The following NRIP1 variants were observed in gnomAD, a reference collection of about 807,000 sequenced individuals.
NRIP1 encodes nuclear receptor-interacting protein 1.
In NRIP1, 28 loss-of-function variants were observed where a neutral mutation model predicts 75.0. That is an observed-to-expected ratio of 0.37 (90% CI 0.28 to 0.51). The LOEUF is 0.51. Ranked by LOEUF, NRIP1 falls within the 20% of genes least tolerant of loss-of-function variation. NRIP1 has a pLI of 0.92. For synonymous variants in NRIP1, 526 were observed against 487.6 expected (o/e 1.08, Z -1.04); for missense variants, 1,435 against 1,343.7 (o/e 1.07, Z -1.06).
chr21:15,061,472 G>A (rs371804594), intron 1 of NRIP1, among the ~76,000 whole-genome samples: 7 of 152,104 alleles, frequency 4.6e-5, no homozygotes, highest in Admixed American at 1.3e-4. Context: ...TAGAAAAGGG[G>A]AAGAGAGCAA....
At chr21:14,989,321 T>TA (rs1379775230) in intron 3 of NRIP1, among the ~76,000 whole-genome samples, 6 of 152,290 alleles carry the variant, frequency 3.9e-5, no homozygotes, top group East Asian at 1.9e-4. Flanking sequence ...AGGTCATACT[T>TA]ACAGTTTGTA....
At chr21:15,012,165 A>T (rs1189882303) in intron 3 of NRIP1, among the ~76,000 whole-genome samples, 3 of 152,182 alleles carry the variant, frequency 2.0e-5, no homozygotes, top group Non-Finnish European at 4.4e-5. Context: ...GATATACCAG[A>T]TCCTCCTTTT....
chr21:15,056,591 G>A (rs1040606942), intron 1 of NRIP1, among the ~76,000 whole-genome samples: 1 of 151,962 alleles, frequency 6.6e-6, no homozygotes, highest in African/African-American at 2.4e-5. Context: ...CCCCCATATT[G>A]TTCACTTTGA....
chr21:15,022,005 C>A (rs1282642142), intron 2 of NRIP1, among the ~76,000 whole-genome samples: 4 of 152,092 alleles, frequency 2.6e-5, no homozygotes, highest in African/African-American at 9.7e-5. Context: ...GACCTAGAGG[C>A]AGAAATAACA....
At position 14,964,740 on chromosome 21, in the gene NRIP1, T is replaced by TA; in HGVS notation, c.3452dup (p.Thr1152AsnfsTer36). On this transcript the variant is annotated frameshift_variant, in exon 4 of 4. Transcript: ENST00000318948. LOFTEE classifies it high-confidence loss of function. ...TTTATTCTGATTCTTTCTTTATCGT[T>TA]AGCACGCTTCCCAGAAGTCCATAAA... 1 of 1,558,208 alleles carries TA rather than the reference T, an allele frequency of 6.4e-7. No individual in the cohort carries two copies. The highest frequency in any genetic ancestry group is 8.6e-7 in the Non-Finnish European group (1 of 1,159,584).
At chr21:14,997,706 T>C (rs528624746) in intron 3 of NRIP1, among the ~76,000 whole-genome samples, 5 of 148,724 alleles carry the variant, frequency 3.4e-5, no homozygotes, top group Non-Finnish European at 7.4e-5. Flanking sequence ...AAAAAATATA[T>C]TTTTATATTT....
chr21:15,009,676 C>T (rs943468220), intron 3 of NRIP1, among the ~76,000 whole-genome samples: 3 of 152,094 alleles, frequency 2.0e-5, no homozygotes, highest in Non-Finnish European at 4.4e-5. Context: ...AGAGTATGTT[C>T]TAGAAACTTT....
intron 3 of NRIP1, among the ~76,000 whole-genome samples, chr21:14,998,416 G>GC (rs1375335699): frequency 6.6e-6 from 1 of 152,186 alleles, no homozygotes; most frequent in Non-Finnish European, 1.5e-5. Context: ...GGCAAGCATT[G>GC]CCCCTTGGTG....
rs189591705 is a variant in NRIP1 at position 15,036,335 on chromosome 21, G to A, written c.-458+7160C>T. On this transcript the variant is annotated intron_variant, in intron 2 of 3. Coordinates refer to ENST00000318948, the MANE Select transcript of NRIP1 (RefSeq NM_003489.4). The stretch of plus-strand genomic sequence containing the variant: ...ATATTTTGTTACAGTAAAGAAGATT[G>A]AGAAACTATAATCATTTCCTCCTCC... 1.6e-3 allele frequency among the ~76,000 whole-genome samples: 245 copies of A among 152,186 alleles called. 1 individual carries two copies. Among genetic ancestry groups the A allele is most frequent in the African/African-American group, 5.4e-3 (225 of 41,502 alleles).
At chr21:15,058,128 C>G (rs758427130) in intron 1 of NRIP1, among the ~76,000 whole-genome samples, 7 of 152,178 alleles carry the variant, frequency 4.6e-5, no homozygotes, top group Non-Finnish European at 8.8e-5. Flanking sequence ...TCAACAGATG[C>G]TGCCGGGGGA....
At chr21:15,015,754 T>C (rs2088212335) in intron 2 of NRIP1, among the ~76,000 whole-genome samples, 2 of 152,196 alleles carry the variant, frequency 1.3e-5, no homozygotes, top group Non-Finnish European at 2.9e-5. Context: ...ATTTTTGTTT[T>C]AAACAAAAGT....
At chr21:14,984,877 AT>A (rs546062300) in intron 3 of NRIP1, among the ~76,000 whole-genome samples, 1 of 152,276 alleles carries the variant, frequency 6.6e-6, no homozygotes, top group East Asian at 1.9e-4. Context: ...GATCATTAGT[AT>A]TTTTTTAGCT....
At chr21:15,005,633 T>C (rs1273208730) in intron 3 of NRIP1, among the ~76,000 whole-genome samples, 1 of 152,186 alleles carries the variant, frequency 6.6e-6, no homozygotes, top group Non-Finnish European at 1.5e-5. Flanking sequence ...TTTTCCGAAC[T>C]AATCTGGGCT....
At chr21:15,012,874 G>C (rs1460221898) in intron 3 of NRIP1, among the ~76,000 whole-genome samples, 1 of 152,144 alleles carries the variant, frequency 6.6e-6, no homozygotes. Flanking sequence ...GTTGGATCCA[G>C]TGAGCATTGC....
At position 14,967,973 on chromosome 21, in the gene NRIP1, G is replaced by C. The variant is rs772733582; in HGVS notation, c.220C>G (p.Gln74Glu). The C allele has an allele frequency of 1.2e-6, 2 of 1,613,852 alleles. No homozygotes were observed. The highest frequency in any genetic ancestry group is 1.7e-5 in the Admixed American group (1 of 59,952). ...NGPVLNTHTYQGSGMLHLKKA... is the reference protein window; with the variant it reads ...NGPVLNTHTYEGSGMLHLKKA... Reference sequence around the variant, plus strand: ...TTGAGGTGCAGCATGCCAGACCCCTGATATGTATGTGTATTGAGAACTGGA... The same window carrying C: ...TTGAGGTGCAGCATGCCAGACCCCTCATATGTATGTGTATTGAGAACTGGA... The change falls in exon 4 of 4, where the codon CAG becomes GAG. Residue 74 changes from glutamine (Q) to glutamate (E), a missense_variant. Gln to Glu is a conservative substitution (Grantham distance 29). Transcript: ENST00000318948.
chr21:15,026,102 T>G (rs1031819671), intron 2 of NRIP1, among the ~76,000 whole-genome samples: 11 of 152,166 alleles, frequency 7.2e-5, no homozygotes, highest in African/African-American at 2.7e-4. Flanking sequence ...TCATGGGAAA[T>G]AAGTCAACAG....
At chr21:15,045,593 T>C (rs1364163962) in intron 1 of NRIP1, among the ~76,000 whole-genome samples, 2 of 152,194 alleles carry the variant, frequency 1.3e-5, no homozygotes, top group Admixed American at 6.5e-5. Flanking sequence ...TTGCTGAAGG[T>C]TGGGGTCTCT....
intron 3 of NRIP1, among the ~76,000 whole-genome samples, chr21:14,972,395 T>C (rs1220751338): frequency 6.6e-6 from 1 of 152,136 alleles, no homozygotes; most frequent in African/African-American, 2.4e-5. Context: ...GACCTATGGA[T>C]TTAGGGTATT....
intron 2 of NRIP1, among the ~76,000 whole-genome samples, chr21:15,024,643 T>C (rs984412662): frequency 5.4e-5 from 8 of 149,036 alleles, no homozygotes; most frequent in African/African-American, 2.0e-4. Context: ...ATGGGCAAAA[T>C]AGAGAGGGGG....
Sources: allele counts gnomAD v4.1 joint callset (sites outside exome capture counted in the v4.1 genomes callset), GRCh38; gene constraint gnomAD v4.1.1; transcripts MANE v1.5; gene names NCBI Gene and HGNC (gene_info 2026-07-23, HGNC 2026-07-21).